The following TTC7B variants were observed in gnomAD, a reference collection of about 807,000 sequenced individuals.
TTC7B encodes tetratricopeptide repeat domain 7B.
In TTC7B, 28 loss-of-function variants were observed where a neutral mutation model predicts 106.8. The observed-to-expected ratio is 0.26, with a 90% CI of 0.19 to 0.36. The LOEUF (loss-of-function observed/expected upper bound fraction) is 0.36. TTC7B is among the 10% of genes least tolerant of loss of function. The pLI, the probability that TTC7B is intolerant of heterozygous loss-of-function variation, is 1.00. For synonymous variants in TTC7B, 405 were observed against 430.6 expected, an observed-to-expected ratio of 0.94 and a Z score of 0.74; for missense variants, 862 against 1,076.4, an observed-to-expected ratio of 0.80 and a Z score of 2.79.
intron 1 of TTC7B, among the ~76,000 whole-genome samples, chr14:90,809,887 C>T (rs2030806923): frequency 6.6e-6 from 1 of 152,226 alleles, no homozygotes; most frequent in Non-Finnish European, 1.5e-5. Context: ...CACCCACCAC[C>T]ACCAGCAACA....
At chr14:90,645,092 C>G (rs1326090664) in intron 14 of TTC7B, 1 of 152,214 alleles carries the variant, frequency 6.6e-6, no homozygotes, top group African/African-American at 2.4e-5. Flanking sequence ...TGGACTGAAG[C>G]ATTCTTGCAC....
intron 19 of TTC7B, among the ~76,000 whole-genome samples, chr14:90,556,481 C>G (rs1890311927): frequency 6.6e-6 from 1 of 152,148 alleles, no homozygotes. Flanking sequence ...CACAGCCCCT[C>G]TTGCTGGTAC....
At chr14:90,618,734 T>C (rs748381247) in intron 15 of TTC7B, among the ~76,000 whole-genome samples, 4 of 152,220 alleles carry the variant, frequency 2.6e-5, no homozygotes, top group African/African-American at 9.6e-5. Flanking sequence ...ATTCTACTTA[T>C]GTTTCTCTGC....
Position 90,570,156 on chromosome 14 carries a change from C to T in TTC7B, c.2310+7950G>A, listed in dbSNP as rs1380419389. ...CCCAGCACACTGAGTGAGAGCCCCA[C>T]TTACAGCCTAGCAGGGCCTCCCTGA... On this transcript the variant is annotated intron_variant, in intron 19 of 19. Coordinates refer to ENST00000328459, the MANE Select transcript of TTC7B (RefSeq NM_001010854.2). The surrounding 1 kb of genome is among the most constrained non-coding windows in gnomAD (Gnocchi z 4.0). 1.3e-5 allele frequency among the ~76,000 whole-genome samples: 2 copies of T among 152,234 alleles called. No homozygotes were observed. The highest frequency in any genetic ancestry group is 4.8e-5 in the African/African-American group (2 of 41,448).
intron 5 of TTC7B, among the ~76,000 whole-genome samples, chr14:90,697,007 C>T (rs963416716): frequency 6.6e-6 from 1 of 152,176 alleles, no homozygotes; most frequent in African/African-American, 2.4e-5. Context: ...ATAGCTACAG[C>T]TAAACAAAGG....
intron 5 of TTC7B, chr14:90,699,231 C>G (rs2139952122): frequency 4.4e-6 from 2 of 455,768 alleles, no homozygotes; most frequent in Non-Finnish European, 8.8e-6. Flanking sequence ...CCTCTGTGAT[C>G]AAACCAAGGA....
At chr14:90,634,329 C>T (rs1259004933) in intron 15 of TTC7B, among the ~76,000 whole-genome samples, 1 of 151,584 alleles carries the variant, frequency 6.6e-6, no homozygotes, top group Non-Finnish European at 1.5e-5. Context: ...AGAGGAGCAA[C>T]AAAACGACAA....
intron 11 of TTC7B, 37 bp from the exon 12 acceptor site, chr14:90,655,147 G>A: frequency 6.6e-7 from 1 of 1,508,030 alleles, no homozygotes. Context: ...ACAACAACCT[G>A]CAGAATTTCT....
intron 1 of TTC7B, among the ~76,000 whole-genome samples, chr14:90,789,060 T>C (rs944312004): frequency 6.6e-6 from 1 of 152,228 alleles, no homozygotes; most frequent in Non-Finnish European, 1.5e-5. Flanking sequence ...TGCTGTTCAA[T>C]AGAAATATAT....
intron 19 of TTC7B, among the ~76,000 whole-genome samples, chr14:90,551,029 T>G (rs1160317770): frequency 6.6e-6 from 1 of 152,160 alleles, no homozygotes; most frequent in South Asian, 2.1e-4. Flanking sequence ...CTGAGCCCAG[T>G]GGGCTGTATG....
chr14:90,575,896 A>C lies in TTC7B; in HGVS notation c.2310+2210T>G. Among the ~76,000 whole-genome samples, 1 of 152,050 alleles carries C rather than the reference A, an allele frequency of 6.6e-6. No homozygotes were observed. The highest frequency in any genetic ancestry group is 2.1e-4 in the South Asian group (1 of 4,812). The stretch of plus-strand genomic sequence containing the variant: ...ATGATGACCCCTCTCTACTGGCAAG[A>C]TCTCCAAAGCAGCTCATGTCTCTGA... On this transcript the variant is annotated intron_variant, in intron 19 of 19. Coordinates refer to ENST00000328459, the MANE Select transcript of TTC7B (RefSeq NM_001010854.2). The surrounding 1 kb of genome is among the most constrained non-coding windows in gnomAD (Gnocchi z 5.2).
rs771712271 is a variant in TTC7B, at chr14:90,593,575, G to A, written c.2018C>T (p.Ser673Leu). The A allele has an allele frequency of 1.1e-5, 17 of 1,612,612 alleles. No individual in the cohort carries two copies. Among genetic ancestry groups the A allele is most frequent in the Non-Finnish European group, 1.4e-5 (16 of 1,179,156 alleles). Reference protein sequence around the residue: ...VAASRVEQALSEVASSLQSSA... With the variant: ...VAASRVEQALLEVASSLQSSA... ...GCTCTGCAGAGACGAAGCCACTTCCGACAGTGCCTGCTCCACTCTTGAGGC... is the reference window on the plus strand; with the variant it reads ...GCTCTGCAGAGACGAAGCCACTTCCAACAGTGCCTGCTCCACTCTTGAGGC... The change falls in exon 18 of 20, where the codon TCG becomes TTG. Residue 673 changes from serine (S) to leucine (L), a missense_variant. Ser to Leu is a moderately radical substitution (Grantham distance 145, BLOSUM62 -2). Transcript: ENST00000328459.
intron 3 of TTC7B, among the ~76,000 whole-genome samples, chr14:90,756,392 T>G (rs1389265672): frequency 6.9e-6 from 1 of 144,872 alleles, no homozygotes; most frequent in Non-Finnish European, 1.5e-5. Context: ...TTGTTTTTTT[T>G]TTTTGTTTTT....
At chr14:90,607,013 A>G (rs1057281768) in intron 17 of TTC7B, among the ~76,000 whole-genome samples, 1 of 152,222 alleles carries the variant, frequency 6.6e-6, no homozygotes, top group Admixed American at 6.5e-5. Context: ...AAAATAGGAT[A>G]TTAGGGACTG....
intron 5 of TTC7B, among the ~76,000 whole-genome samples, chr14:90,705,444 G>T (rs769306095): frequency 1.4e-4 from 22 of 152,126 alleles, no homozygotes; most frequent in Non-Finnish European, 2.8e-4. Context: ...GCTGAGCCAG[G>T]ACCTGATTCC....
chr14:90,699,542 G>C (rs1887901858), intron 5 of TTC7B, among the ~76,000 whole-genome samples: 1 of 152,162 alleles, frequency 6.6e-6, no homozygotes, highest in Non-Finnish European at 1.5e-5. Context: ...CAAAGTAGTA[G>C]TGTGAATAAA....
At chr14:90,679,172 G>C (rs373344488) in intron 8 of TTC7B, among the ~76,000 whole-genome samples, 2 of 152,198 alleles carry the variant, frequency 1.3e-5, no homozygotes, top group East Asian at 3.9e-4. Flanking sequence ...CGGGCAACCT[G>C]CTTCCTTGAG....
intron 7 of TTC7B, among the ~76,000 whole-genome samples, chr14:90,682,732 A>G (rs1434647304): frequency 6.6e-6 from 1 of 152,210 alleles, no homozygotes; most frequent in Non-Finnish European, 1.5e-5. Context: ...GAAAGGGGAC[A>G]AGAAGAAAAC....
In TTC7B at chr14:90,560,024, A is replaced by T. The variant is rs1047021812; in HGVS notation, c.2310+18082T>A. On this transcript the variant is annotated intron_variant, in intron 19 of 19. Transcript: ENST00000328459. Reference sequence around the variant, plus strand: ...TGGAATGGCAGAGAACCTCCATCAGATCTGTGCCACAAGCGCCATGTGCCC... The same window carrying T: ...TGGAATGGCAGAGAACCTCCATCAGTTCTGTGCCACAAGCGCCATGTGCCC... Among the ~76,000 whole-genome samples the T allele has an allele frequency of 6.6e-5, 10 of 152,060 alleles. 1 individual carries two copies. The highest frequency in any genetic ancestry group is 1.5e-5 in the Non-Finnish European group (1 of 68,006).
Sources: allele counts gnomAD v4.1 joint callset (sites outside exome capture counted in the v4.1 genomes callset), GRCh38; gene constraint gnomAD v4.1.1; non-coding constraint Gnocchi (gnomAD v3.1); transcripts MANE v1.5; gene names NCBI Gene and HGNC (gene_info 2026-07-23, HGNC 2026-07-21).